Variants in PRAM1 observed in about 807,000 individuals in gnomAD.
The protein encoded by PRAM1 is PML-RARA-regulated adapter molecule 1.
In PRAM1, 41 loss-of-function variants were observed where a neutral mutation model predicts 55.3. The observed-to-expected ratio is 0.74, with a 90% CI of 0.58 to 0.96. The LOEUF is 0.96. Among genes scored for constraint, PRAM1 ranks in the 40% least tolerant of loss-of-function variants. The pLI is 0.00. For missense variants in PRAM1, 898 were observed against 892.7 expected (o/e 1.01, Z -0.08); for synonymous variants, 401 against 387.1 (o/e 1.04, Z -0.42).
In PRAM1 at chr19:8,498,895, G is replaced by A. The variant is rs1659088539; in HGVS notation, c.913C>T (p.Leu305Phe). Residue 305 changes from leucine (L) to phenylalanine (F), a missense_variant, in exon 2 of 10, where the codon CTT becomes TTT. By Grantham distance (22) the Leu-to-Phe change is conservative. Transcript: ENST00000423345. ...TCGGCCGGCCGCGGCCTCTTGGGAA[G>A]CACGCTGACTTCGGGCTCTGAGGAG... ...RTSSEPEVSVLPKRPRPAEFK... is the reference protein window; with the variant it reads ...RTSSEPEVSVFPKRPRPAEFK... 1.2e-6 allele frequency: 2 copies of A among 1,613,272 alleles called. No individual in the cohort carries two copies. Among genetic ancestry groups the A allele is most frequent in the African/African-American group, 1.3e-5 (1 of 74,844 alleles).
chr19:8,501,619 A>G (rs1171818006), intron 1 of PRAM1, among the ~76,000 whole-genome samples: 1 of 149,990 alleles, frequency 6.7e-6, no homozygotes, highest in Non-Finnish European at 1.5e-5. Context: ...GGCCTGGAAC[A>G]TGGTAGGTGC....
intron 1 of PRAM1, 51 bp downstream of exon 1, chr19:8,502,514 T>C: frequency 9.1e-7 from 1 of 1,103,330 alleles, no homozygotes; most frequent in Non-Finnish European, 1.2e-6. Context: ...TGGGAACATC[T>C]GTGTCCCTTG....
intron 2 of PRAM1, 32 bp downstream of exon 2, chr19:8,498,344 C>G (rs569364871): frequency 1.3e-6 from 2 of 1,588,832 alleles, no homozygotes; most frequent in East Asian, 2.3e-5. Context: ...CCTCAGCCCC[C>G]GCTCCTGCCG....
At position 8,499,521 on chromosome 19, in the gene PRAM1, G is replaced by A. The variant is rs781338763; in HGVS notation, c.287C>T (p.Pro96Leu). 5 of 641,016 alleles carry A rather than the reference G, an allele frequency of 7.8e-6. No individual in the cohort carries two copies. Among genetic ancestry groups the A allele is most frequent in the Non-Finnish European group, 1.4e-5 (5 of 357,976 alleles). 39.7% of individuals were successfully genotyped at this position (641,016 alleles called of 1,614,324 possible). The change falls in exon 2 of 10, where the codon CCG (proline) becomes CTG (leucine). Residue 96 changes from proline to leucine, a missense_variant. Physicochemically the swap from Pro to Leu is moderately conservative, Grantham distance 98. Coordinates refer to ENST00000423345, the MANE Select transcript of PRAM1 (RefSeq NM_032152.5). ...PEVTDLPKKP[P>L]PPEVTDLPKK... Reference sequence around the variant, plus strand: ...GGGGAGGTCAGTGACCTCAGGCGGCGGGGGCTTCTTGGGGAGGTCAGTGAC... The same window carrying A: ...GGGGAGGTCAGTGACCTCAGGCGGCAGGGGCTTCTTGGGGAGGTCAGTGAC...
At chr19:8,501,507 A>AT (rs773534887) in intron 1 of PRAM1, among the ~76,000 whole-genome samples, 35,961 of 102,212 alleles carry the variant, frequency 0.35, 8,197 homozygotes, top group African/African-American at 0.52. Flanking sequence ...ATGTGTCTTG[A>AT]TTTTTTTTTT....
chr19:8,500,684 C>A (rs1435964122), intron 1 of PRAM1, among the ~76,000 whole-genome samples: 1 of 152,338 alleles, frequency 6.6e-6, no homozygotes, highest in East Asian at 1.9e-4. Flanking sequence ...TGTCTCTGCA[C>A]CACCTGGGTC....
At position 8,499,086 on chromosome 19, in the gene PRAM1, A is replaced by G. The variant is rs762738576; in HGVS notation, c.722T>C (p.Val241Ala). The G allele has an allele frequency of 6.2e-7, 1 of 1,612,976 alleles. No individual in the cohort carries two copies. The highest frequency in any genetic ancestry group is 1.7e-5 in the Admixed American group (1 of 59,936). ...GGCCTCGCTGAACTCAGGCTGCGGC[A>G]CGGACTTCTTAGGGAGGCCACCGAC... Reference protein sequence around the residue: ...PQVGGLPKKSVPQPEFSEAAQ... With the variant: ...PQVGGLPKKSAPQPEFSEAAQ... Residue 241 changes from valine (V) to alanine (A), a missense_variant, in exon 2 of 10, where the codon GTG (valine) becomes GCG (alanine). Transcript: ENST00000423345.
At chr19:8,497,999 A>T (rs554706435) in intron 3 of PRAM1, among the ~76,000 whole-genome samples, 159 bp from the exon 4 acceptor site, 1 of 148,096 alleles carries the variant, frequency 6.8e-6, no homozygotes, top group Non-Finnish European at 1.5e-5. Context: ...CTCCTGCCTC[A>T]GCCTCCCAAG....
chr19:8,496,584 G>T (rs1328822107), intron 4 of PRAM1, among the ~76,000 whole-genome samples: 2 of 152,002 alleles, frequency 1.3e-5, no homozygotes, highest in Admixed American at 1.3e-4. Context: ...AAGTAGCTGG[G>T]CTTGGTGGCA....
Position 8,502,546 on chromosome 19 carries a change from G to C in PRAM1, c.27+19C>G. On this transcript the variant is annotated intron_variant, in intron 1 of 9. Transcript: ENST00000423345. Reference sequence around the variant, plus strand: ...CTTGCTTCCCAGCCAGTGAGGCACAGGCCTCTTCCAGCACTCACCATGGCT... The same window carrying C: ...CTTGCTTCCCAGCCAGTGAGGCACACGCCTCTTCCAGCACTCACCATGGCT... 6.9e-7 allele frequency: 1 copy of C among 1,444,368 alleles called. No homozygotes were observed. Among genetic ancestry groups the C allele is most frequent in the Non-Finnish European group, 9.2e-7 (1 of 1,083,080 alleles). The allele number at this position is 1,444,368 out of a possible 1,614,324, so 89.5% of individuals were successfully genotyped here. A position where few individuals can be genotyped will look rare whatever the true frequency, so the allele number is the denominator to read the frequency against.
Sources: allele counts gnomAD v4.1 joint callset (sites outside exome capture counted in the v4.1 genomes callset), GRCh38; gene constraint gnomAD v4.1.1; transcripts MANE v1.5; gene names NCBI Gene and HGNC (gene_info 2026-07-23, HGNC 2026-07-21).